GINS4: variants seen among roughly 807,000 people sequenced by gnomAD.
GINS4 encodes GINS complex subunit 4, also known as DNA replication complex GINS protein SLD5.
A neutral mutation model predicts 31.1 loss-of-function variants in GINS4; 20 were observed. That is an observed-to-expected ratio of 0.64 (90% CI 0.45 to 0.93). The LOEUF (loss-of-function observed/expected upper bound fraction) is 0.93. Among genes scored for constraint, GINS4 ranks in the 40% least tolerant of loss-of-function variants. The pLI, the probability that GINS4 is intolerant of heterozygous loss-of-function variation, is 0.00. For missense variants in GINS4, 245 were observed against 273.9 expected (o/e 0.89, Z 0.75); for synonymous variants, 85 against 97.9 (o/e 0.87, Z 0.78).
At position 41,530,173 on chromosome 8, in the gene GINS4, C is replaced by CAG. The variant is rs1407041961; in HGVS notation, c.-19-11_-19-10insAG. On this transcript the variant is annotated splice_polypyrimidine_tract_variant and intron_variant, in intron 1 of 7. Coordinates refer to ENST00000276533, the MANE Select transcript of GINS4 (RefSeq NM_032336.3). Reference sequence around the variant, plus strand: ...CGCATTGCAGAGTATTGGTTCTTTCCCTCTCATTAGGTTCCTGGTTTCAGA... The same window carrying CAG: ...CGCATTGCAGAGTATTGGTTCTTTCCAGCTCTCATTAGGTTCCTGGTTTCAGA... 2.0e-6 allele frequency: 3 copies of CAG among 1,470,726 alleles called. No individual in the cohort carries two copies. Among genetic ancestry groups the CAG allele is most frequent in the Non-Finnish European group, 2.9e-6 (3 of 1,051,718 alleles). 91.1% of individuals were successfully genotyped at this position (1,470,726 alleles called of 1,614,324 possible). A position where few individuals can be genotyped will look rare whatever the true frequency, so the allele number is the denominator to read the frequency against.
intron 6 of GINS4, among the ~76,000 whole-genome samples, chr8:41,541,183 C>T (rs907150030): frequency 1.3e-5 from 2 of 152,138 alleles, no homozygotes; most frequent in Non-Finnish European, 2.9e-5. Context: ...GATCCTCCCA[C>T]CTCAGCTTCC....
At chr8:41,536,992 A>G (rs139928956) in intron 3 of GINS4, 188 bp from the exon 4 acceptor site, 19 of 548,474 alleles carry the variant, frequency 3.5e-5, no homozygotes, top group African/African-American at 3.2e-4. Flanking sequence ...CTGGCTGAAC[A>G]GATTCTATTC....
At position 41,537,326 on chromosome 8, in the gene GINS4, C is replaced by G. The variant is rs372072083; in HGVS notation, c.297+33C>G. On this transcript the variant is annotated intron_variant, in intron 4 of 7. Coordinates refer to ENST00000276533, the MANE Select transcript of GINS4 (RefSeq NM_032336.3). ...GTGGAGATACCTGGAGGGATTGAGA[C>G]AGCACAGTCTGTAATGCAGACTGAA... 5 of 1,451,574 alleles carry G rather than the reference C, an allele frequency of 3.4e-6. No individual in the cohort carries two copies. The African/African-American group carries it at 7.0e-5, about 20-fold the overall frequency. 89.9% of individuals were successfully genotyped at this position (1,451,574 alleles called of 1,614,324 possible).
At chr8:41,533,296 G>A (rs1249083959) in intron 2 of GINS4, among the ~76,000 whole-genome samples, 1 of 152,208 alleles carries the variant, frequency 6.6e-6, no homozygotes, top group Non-Finnish European at 1.5e-5. Context: ...TGGGTGATGT[G>A]GCACACTGCT....
intron 2 of GINS4, among the ~76,000 whole-genome samples, chr8:41,533,388 T>C (rs903611032): frequency 1.5e-4 from 23 of 152,192 alleles, no homozygotes; most frequent in African/African-American, 5.5e-4. Context: ...CAAGTGAGCA[T>C]CATCGGGGTC....
At chr8:41,536,678 A>G (rs1806746000) in intron 3 of GINS4, among the ~76,000 whole-genome samples, 1 of 152,244 alleles carries the variant, frequency 6.6e-6, no homozygotes, top group South Asian at 2.1e-4. Context: ...TTTCTGCATG[A>G]GAACAGTTGA....
Position 41,537,308 on chromosome 8 carries a change from T to C in GINS4, c.297+15T>C. ...GCCTCATGAAGGTTTGACGTGGAGATACCTGGAGGGATTGAGACAGCACAG... is the reference window on the plus strand; with the variant it reads ...GCCTCATGAAGGTTTGACGTGGAGACACCTGGAGGGATTGAGACAGCACAG... On this transcript the variant is annotated intron_variant, in intron 4 of 7. Coordinates refer to ENST00000276533, the MANE Select transcript of GINS4 (RefSeq NM_032336.3). 6.5e-7 allele frequency: 1 copy of C among 1,543,038 alleles called. No homozygotes were observed.
At position 41,542,469 on chromosome 8, in the gene GINS4, C is replaced by T. The variant is rs1352538736; in HGVS notation, c.*382C>T. On this transcript the variant is annotated 3_prime_UTR_variant, in exon 8 of 8. Transcript: ENST00000276533. ...CAAGACCATCCTGGCTACTAAACCC[C>T]ATCTCTACTAAACCCATCTCTACTA... The T allele has an allele frequency of 4.1e-6, 1 of 243,636 alleles. No homozygotes were observed. The highest frequency in any genetic ancestry group is 9.6e-5 in the East Asian group (1 of 10,426). The allele number at this position is 243,636 out of a possible 1,614,324, so 15.1% of individuals were successfully genotyped here.
At position 41,539,604 on chromosome 8, in the gene GINS4, C is replaced by G. The variant is rs1202989459; in HGVS notation, c.298-74C>G. The G allele has an allele frequency of 2.8e-6, 3 of 1,087,584 alleles. No individual in the cohort carries two copies. In the Admixed American group the frequency reaches 5.3e-5, roughly 19 times the overall value. The allele number at this position is 1,087,584 out of a possible 1,614,324, so 67.4% of individuals were successfully genotyped here. A position where few individuals can be genotyped will look rare whatever the true frequency, so the allele number is the denominator to read the frequency against. On this transcript the variant is annotated intron_variant, in intron 4 of 7. Coordinates refer to ENST00000276533, the MANE Select transcript of GINS4 (RefSeq NM_032336.3). Reference sequence around the variant, plus strand: ...CTTCCTCGGGAGGGTTGTGTAAACCCTCTTTATGTTAACCACATCCTTCTC... The same window carrying G: ...CTTCCTCGGGAGGGTTGTGTAAACCGTCTTTATGTTAACCACATCCTTCTC...
At chr8:41,530,766 T>C (rs566608928) in intron 2 of GINS4, among the ~76,000 whole-genome samples, 2 of 149,318 alleles carry the variant, frequency 1.3e-5, no homozygotes, top group South Asian at 4.2e-4. Flanking sequence ...TCTAAAATCC[T>C]TTCTGAAATA....
At chr8:41,535,018 C>T (rs565889358) in intron 2 of GINS4, among the ~76,000 whole-genome samples, 5 of 151,998 alleles carry the variant, frequency 3.3e-5, no homozygotes, top group South Asian at 2.1e-4. Context: ...CCACTGCACC[C>T]GGCTTGTTCT....
At chr8:41,533,421 G>A (rs1285562001) in intron 2 of GINS4, among the ~76,000 whole-genome samples, 1 of 152,188 alleles carries the variant, frequency 6.6e-6, no homozygotes, top group Non-Finnish European at 1.5e-5. Context: ...CTAGAGGATG[G>A]GGCGGCGGGG....
chr8:41,539,057 C>T (rs1806789119), intron 4 of GINS4, among the ~76,000 whole-genome samples: 1 of 151,750 alleles, frequency 6.6e-6, no homozygotes, highest in African/African-American at 2.4e-5. Flanking sequence ...TACAGGCTCA[C>T]GCCTATAATC....
chr8:41,536,300 C>G, intron 2 of GINS4, 60 bp from the exon 3 acceptor site: 3 of 1,004,354 alleles, frequency 3.0e-6, no homozygotes, highest in Non-Finnish European at 4.8e-6. Context: ...TGGGCTGACT[C>G]ACTGGGTTGT....
chr8:41,536,753 C>G (rs1563254425), intron 3 of GINS4, among the ~76,000 whole-genome samples: 1 of 152,200 alleles, frequency 6.6e-6, no homozygotes, highest in Non-Finnish European at 1.5e-5. Flanking sequence ...CCTGACTACC[C>G]ACCCTTCTCT....
chr8:41,537,362 A>T (rs887621026), intron 4 of GINS4, 69 bp downstream of exon 4: 1 of 1,200,560 alleles, frequency 8.3e-7, no homozygotes, highest in African/African-American at 1.5e-5. Flanking sequence ...TGTCCTGGGG[A>T]AAACTTGGGC....
rs559432599 is a variant in GINS4 at position 41,539,846 on chromosome 8, G to A, written c.396-70G>A. 96 of 1,570,934 alleles carry A rather than the reference G, an allele frequency of 6.1e-5. No homozygotes were observed. In the South Asian group the frequency reaches 7.7e-4, roughly 13 times the overall value. On this transcript the variant is annotated intron_variant, in intron 5 of 7. Transcript: ENST00000276533. ...TGAGGCCTGTCCTAGAGGCCTGTGCGCTGCTGCCTGCTAACCTTGGACGTC... is the reference window on the plus strand; with the variant it reads ...TGAGGCCTGTCCTAGAGGCCTGTGCACTGCTGCCTGCTAACCTTGGACGTC...
chr8:41,536,013 C>T (rs1027542843), intron 2 of GINS4, among the ~76,000 whole-genome samples: 4 of 152,104 alleles, frequency 2.6e-5, no homozygotes, highest in Non-Finnish European at 2.9e-5. Context: ...CATGGGGTGG[C>T]GCTGCCTGGG....
chr8:41,532,725 C>T (rs917562071), intron 2 of GINS4, among the ~76,000 whole-genome samples: 18 of 150,818 alleles, frequency 1.2e-4, no homozygotes, highest in Non-Finnish European at 1.8e-4. Flanking sequence ...CCCAGCTACT[C>T]AGGAGGTTGA....
Sources: allele counts gnomAD v4.1 joint callset (sites outside exome capture counted in the v4.1 genomes callset), GRCh38; gene constraint gnomAD v4.1.1; transcripts MANE v1.5; gene names NCBI Gene and HGNC (gene_info 2026-07-23, HGNC 2026-07-21).